The following PLEKHS1 variants were observed in gnomAD, a reference collection of about 807,000 sequenced individuals.
PLEKHS1 encodes the protein pleckstrin homology domain containing S1.
In PLEKHS1, 55 loss-of-function variants were observed where a neutral mutation model predicts 51.0. The ratio of observed to expected loss-of-function variants is 1.08; its 90% CI spans 0.87 to 1.35. The LOEUF is 1.35. Ranked by LOEUF, PLEKHS1 falls within the 40% of genes most tolerant of loss-of-function variation. The probability of loss-of-function intolerance (pLI) is 0.00; values close to 1 mark genes in which losing one functional copy is unlikely to be tolerated. For synonymous variants in PLEKHS1, 153 were observed against 144.8 expected, an observed-to-expected ratio of 1.06 and a Z score of -0.41; for missense variants, 398 against 423.0, an observed-to-expected ratio of 0.94 and a Z score of 0.52.
At chr10:113,772,219 T>C in intron 8 of PLEKHS1, 130 bp downstream of exon 8, 1 of 930,896 alleles carries the variant, frequency 1.1e-6, no homozygotes, top group Non-Finnish European at 1.6e-6. Context: ...ACAGATGACG[T>C]GCTCATGGTG....
chr10:113,769,756 C>T lies in PLEKHS1; in HGVS notation c.436-28C>T, dbSNP rs143924430. 40 of 1,440,482 alleles carry T rather than the reference C, an allele frequency of 2.8e-5. No homozygotes were observed. In the African/African-American group the frequency reaches 3.8e-4, roughly 14 times the overall value. The allele number at this position is 1,440,482 out of a possible 1,614,324, so 89.2% of individuals were successfully genotyped here. A position where few individuals can be genotyped will look rare whatever the true frequency, so the allele number is the denominator to read the frequency against. On this transcript the variant is annotated intron_variant, in intron 6 of 11. Coordinates refer to ENST00000361048, the Ensembl canonical transcript of PLEKHS1. ...CATTCCAGACAGAGATCAACTGTGC[C>T]CTGACTGATTCCTTTTTTTGTGAGC...
chr10:113,759,463 TTGTTC>T (rs780084907), intron 2 of PLEKHS1, among the ~76,000 whole-genome samples: 15 of 152,198 alleles, frequency 9.9e-5, no homozygotes, highest in Non-Finnish European at 1.8e-4. Flanking sequence ...CCAGTCCCCA[TTGTTC>T]TGTTTTCTCT....
chr10:113,772,007 C>T, exon 8 of PLEKHS1: 1 of 1,613,462 alleles, frequency 6.2e-7, no homozygotes, highest in Non-Finnish European at 8.5e-7. Flanking sequence ...TTTAGGCAAA[C>T]TCACCTACAA....
intron 11 of PLEKHS1, 95 bp from the exon 12 acceptor site, chr10:113,777,029 G>A: frequency 7.1e-7 from 1 of 1,415,864 alleles, no homozygotes; most frequent in Non-Finnish European, 9.7e-7. Flanking sequence ...TTCAGAGGTG[G>A]TGCCACGTGA....
At chr10:113,783,217 A>G (rs1252916261), downstream of PLEKHS1, 1 of 149,972 alleles carries the variant, frequency 6.7e-6, no homozygotes, top group African/African-American at 2.5e-5. Context: ...CTGGGCAACA[A>G]GAGGAAAACC....
intron 2 of PLEKHS1, among the ~76,000 whole-genome samples, chr10:113,761,423 G>A (rs773853812): frequency 2.0e-5 from 3 of 149,880 alleles, no homozygotes; most frequent in African/African-American, 2.4e-5. Context: ...AATATGGAAT[G>A]TTTTCCCATT....
At chr10:113,778,387 C>G (rs1350813842) in intron 11 of PLEKHS1, among the ~76,000 whole-genome samples, 1 of 152,184 alleles carries the variant, frequency 6.6e-6, no homozygotes, top group African/African-American at 2.4e-5. Flanking sequence ...TCTTTGGCTT[C>G]AAATTTCTGA....
At position 113,775,855 on chromosome 10, in the gene PLEKHS1, A is replaced by T. The variant is rs145986190; in HGVS notation, c.1080A>T (p.Thr360=). 1.7e-5 allele frequency: 28 copies of T among 1,608,926 alleles called. No individual in the cohort carries two copies. The African/African-American group carries it at 2.9e-4, about 17-fold the overall frequency. ...ACTATCTTGCTCTCACAGAAGCCAC[A>T]GGACGGATATGGTAGGTTGGAGATT... The change falls in exon 11 of 12, where the codon ACA becomes ACT. Residue 360 remains threonine (T), a synonymous_variant. Coordinates refer to ENST00000361048, the Ensembl canonical transcript of PLEKHS1.
At chr10:113,777,438 T>A (rs1426850932) in intron 11 of PLEKHS1, 179 bp downstream of exon 12, 1 of 1,606,500 alleles carries the variant, frequency 6.2e-7, no homozygotes, top group Non-Finnish European at 8.5e-7. Flanking sequence ...TCATATCAAG[T>A]AGCATTTGGA....
rs779607222 is a variant in PLEKHS1 at position 113,756,748 on chromosome 10, G to A, written c.28+1443G>A. On this transcript the variant is annotated intron_variant, in intron 2 of 11. Transcript: ENST00000361048. ...CAATGAAATGGTATAGAAGCAGAAT[G>A]TGTCAAAGCAGAATATACTTATAAG... Among the ~76,000 whole-genome samples, 10 of 152,130 alleles carry A rather than the reference G, an allele frequency of 6.6e-5. No homozygotes were observed. The South Asian group carries it at 8.3e-4, about 13-fold the overall frequency.
chr10:113,772,236 C>T, intron 8 of PLEKHS1, 147 bp downstream of exon 8: 2 of 819,352 alleles, frequency 2.4e-6, no homozygotes, highest in South Asian at 3.3e-5. Context: ...GGTGCTGACA[C>T]TTGACTAGGA....
exon 12 of PLEKHS1, chr10:113,781,741 TCCTTCC>T (rs1844876846): frequency 1.2e-5 from 1 of 83,616 alleles, no homozygotes; most frequent in African/African-American, 4.6e-5. Flanking sequence ...CCCCAACACC[TCCTTCC>T]CCAACACCTC....
chr10:113,754,263 T>C (rs1001783049), intron 1 of PLEKHS1, among the ~76,000 whole-genome samples: 2 of 152,202 alleles, frequency 1.3e-5, no homozygotes, highest in African/African-American at 4.8e-5. Flanking sequence ...CTCCCCCATC[T>C]TACTTGGGGC....
intron 2 of PLEKHS1, among the ~76,000 whole-genome samples, chr10:113,756,039 G>A (rs531302196): frequency 1.9e-3 from 284 of 152,278 alleles, no homozygotes; most frequent in Non-Finnish European, 2.9e-3. Flanking sequence ...ACACTTCTTT[G>A]TAGATGAGTG....
At chr10:113,761,363 T>G (rs1455276599) in intron 2 of PLEKHS1, among the ~76,000 whole-genome samples, 1 of 152,158 alleles carries the variant, frequency 6.6e-6, no homozygotes, top group Non-Finnish European at 1.5e-5. Context: ...ATTTATAGAT[T>G]GCTTTAGGTA....
exon 12 of PLEKHS1, chr10:113,780,950 G>T (rs1219198583): frequency 1.5e-6 from 1 of 659,714 alleles, no homozygotes; most frequent in Non-Finnish European, 2.5e-6. Context: ...TATCAGAGAT[G>T]CTAAGAGGGT....
chr10:113,779,592 C>T (rs1844808957), intron 11 of PLEKHS1, among the ~76,000 whole-genome samples: 1 of 147,450 alleles, frequency 6.8e-6, no homozygotes, highest in Admixed American at 6.7e-5. Flanking sequence ...AAAGGATCCA[C>T]ATACACTGGG....
intron 5 of PLEKHS1, among the ~76,000 whole-genome samples, chr10:113,768,255 T>C (rs1172562625): frequency 6.6e-6 from 1 of 152,154 alleles, no homozygotes. Flanking sequence ...GGACTCTTCA[T>C]GGATGATTAT....
At chr10:113,760,480 A>C (rs958033151) in intron 2 of PLEKHS1, among the ~76,000 whole-genome samples, 14 of 152,356 alleles carry the variant, frequency 9.2e-5, no homozygotes, top group African/African-American at 3.4e-4. Context: ...ATCTCAAAAA[A>C]AAAAGAAAAA....
Sources: allele counts gnomAD v4.1 joint callset (sites outside exome capture counted in the v4.1 genomes callset), GRCh38; gene constraint gnomAD v4.1.1; transcripts MANE v1.5; gene names NCBI Gene and HGNC (gene_info 2026-07-23, HGNC 2026-07-21).